Variants in ZNF57 observed in about 807,000 individuals in gnomAD.
The protein encoded by ZNF57 is zinc finger protein 57.
ZNF57 carries 11 observed loss-of-function variants against 13.4 expected under a neutral mutation model. That is an observed-to-expected ratio of 0.82 (90% CI 0.52 to 1.36). ZNF57 has a LOEUF of 1.36. Ranked by LOEUF, ZNF57 falls within the 40% of genes most tolerant of loss-of-function variation. The pLI is 0.00. For synonymous variants in ZNF57, 224 were observed against 238.5 expected (o/e 0.94, Z 0.56); for missense variants, 696 against 667.5 (o/e 1.04, Z -0.47).
At position 2,917,467 on chromosome 19, in the gene ZNF57, T is replaced by A. The variant is rs750170710; in HGVS notation, c.846T>A (p.Cys282Ter). The A allele has an allele frequency of 2.5e-6, 4 of 1,614,078 alleles. No individual in the cohort carries two copies. The East Asian group carries it at 8.9e-5, about 36-fold the overall frequency. ...TTHTGEKPYK[C>*]QHCGKAFTYP... is the part of the protein sequence containing the mutation. Reference sequence around the variant, plus strand: ...ACACTGGAGAGAAGCCCTATAAATGTCAGCACTGTGGGAAAGCCTTCACTT... The same window carrying A: ...ACACTGGAGAGAAGCCCTATAAATGACAGCACTGTGGGAAAGCCTTCACTT... Residue 282 changes from cysteine (C) to a stop codon, truncating the protein, a stop_gained, in exon 4 of 4, where the codon TGT becomes TGA. Coordinates refer to ENST00000306908, the MANE Select transcript of ZNF57 (RefSeq NM_173480.3). LOFTEE classifies it low-confidence loss of function (END_TRUNC).
In ZNF57 at chr19:2,909,524, G is replaced by A. The variant is rs1281600159; in HGVS notation, c.4-5998G>A. Among the ~76,000 whole-genome samples the A allele has an allele frequency of 1.0e-4, 5 of 49,022 alleles. 2 individuals are homozygous for A. The highest frequency in any genetic ancestry group is 2.4e-4 in the African/African-American group (5 of 20,816). 32.2% of individuals were successfully genotyped at this position (49,022 alleles called of 152,430 possible). ...CTTGACGTCGTGATCCGCACGCCTCGGCCTCCCAAAGTGCTAGGATTACAG... is the reference window on the plus strand; with the variant it reads ...CTTGACGTCGTGATCCGCACGCCTCAGCCTCCCAAAGTGCTAGGATTACAG... On this transcript the variant is annotated intron_variant, in intron 1 of 3. Coordinates refer to ENST00000306908, the MANE Select transcript of ZNF57 (RefSeq NM_173480.3).
intron 1 of ZNF57, among the ~76,000 whole-genome samples, chr19:2,910,859 G>T (rs1341099008): frequency 6.7e-6 from 1 of 148,248 alleles, no homozygotes; most frequent in East Asian, 2.0e-4. Flanking sequence ...CTCCGGAAGT[G>T]CTGGGATGAC....
At chr19:2,910,702 T>C (rs12982942) in intron 1 of ZNF57, among the ~76,000 whole-genome samples, 78,693 of 112,260 alleles carry the variant, frequency 0.7, 34,244 homozygotes, top group Non-Finnish European at 0.78. Context: ...CATCGTGATC[T>C]GCCCGCCTCG....
rs2088023030 is a variant in ZNF57, at chr19:2,900,945, C to A, written c.-101C>A. The A allele has an allele frequency of 2.0e-6, 3 of 1,475,408 alleles. No individual in the cohort carries two copies. In the South Asian group the frequency reaches 3.7e-5, roughly 18 times the overall value. 91.4% of individuals were successfully genotyped at this position (1,475,408 alleles called of 1,614,324 possible). On this transcript the variant is annotated 5_prime_UTR_variant, in exon 1 of 4. Coordinates refer to ENST00000306908, the MANE Select transcript of ZNF57 (RefSeq NM_173480.3). ...GTTTCGTCCTCCCTGCCGCGCGTGCCCTGCCTACCACGAGCGGCCCGGGAG... is the reference window on the plus strand; with the variant it reads ...GTTTCGTCCTCCCTGCCGCGCGTGCACTGCCTACCACGAGCGGCCCGGGAG...
chr19:2,908,587 T>G (rs2088098293), intron 1 of ZNF57, among the ~76,000 whole-genome samples: 1 of 150,660 alleles, frequency 6.6e-6, no homozygotes, highest in Non-Finnish European at 1.5e-5. Flanking sequence ...GCCCGGCTAA[T>G]TTTTTGCATT....
chr19:2,907,856 T>C (rs549509748), intron 1 of ZNF57, among the ~76,000 whole-genome samples: 2 of 152,296 alleles, frequency 1.3e-5, no homozygotes, highest in Admixed American at 6.5e-5. Context: ...TGCAGGCACA[T>C]GCCATCATGC....
Position 2,916,078 on chromosome 19 carries a change from A to G in ZNF57, c.131A>G (p.Asp44Gly), listed in dbSNP as rs2088190797. Residue 44 changes from aspartate to glycine, a missense_variant and splice_region_variant, in exon 3 of 4, where the codon GAT (aspartate) becomes GGT (glycine). By Grantham distance (94) the Asp-to-Gly change is moderately conservative. This residue lies in a region of ZNF57 where 43 missense variants were observed against 53.5 expected (regional missense o/e 0.80). Coordinates refer to ENST00000306908, the MANE Select transcript of ZNF57 (RefSeq NM_173480.3). The stretch of plus-strand genomic sequence containing the variant: ...AGATTTGTTTACTTTTTTGTTGCAG[A>G]TGATGGGACTCAATTTAAAGCCAAT... ...LETFRNLASV[D>G]DGTQFKANGS... The G allele has an allele frequency of 6.2e-7, 1 of 1,605,728 alleles. No homozygotes were observed. Among genetic ancestry groups the G allele is most frequent in the Non-Finnish European group, 8.5e-7 (1 of 1,177,150 alleles).
At chr19:2,910,780 G>C (rs1266760825) in intron 1 of ZNF57, among the ~76,000 whole-genome samples, 1 of 113,506 alleles carries the variant, frequency 8.8e-6, no homozygotes, top group Non-Finnish European at 1.9e-5. Flanking sequence ...ATTTTTAGTA[G>C]AGACGGGGTT....
chr19:2,901,068 A>G lies in ZNF57; in HGVS notation c.3+20A>G, dbSNP rs2088024589. 5 of 1,555,578 alleles carry G rather than the reference A, an allele frequency of 3.2e-6. No individual in the cohort carries two copies. In the East Asian group the frequency reaches 7.1e-5, roughly 22 times the overall value. On this transcript the variant is annotated intron_variant, in intron 1 of 3. Coordinates refer to ENST00000306908, the MANE Select transcript of ZNF57 (RefSeq NM_173480.3). Reference sequence around the variant, plus strand: ...GACATGGTGAGTGCGAGGCAGGAGCAGAGCCAGGGGACGGTCGGAGCGACG... The same window carrying G: ...GACATGGTGAGTGCGAGGCAGGAGCGGAGCCAGGGGACGGTCGGAGCGACG...
At position 2,916,083 on chromosome 19, in the gene ZNF57, G is replaced by T; in HGVS notation, c.136G>T (p.Gly46Trp). ...TGTTTACTTTTTTGTTGCAGATGAT[G>T]GGACTCAATTTAAAGCCAATGGGTC... ...TFRNLASVDDGTQFKANGSVS... is the reference protein window; with the variant it reads ...TFRNLASVDDWTQFKANGSVS... Residue 46 changes from glycine (G) to tryptophan (W), a missense_variant, in exon 3 of 4, where the codon GGG (glycine) becomes TGG (tryptophan). Physicochemically the swap from Gly to Trp is radical, Grantham distance 184. Transcript: ENST00000306908. The T allele has an allele frequency of 1.2e-6, 2 of 1,608,110 alleles. No homozygotes were observed. The highest frequency in any genetic ancestry group is 1.7e-4 in the Middle Eastern group (1 of 6,032).
At chr19:2,912,067 C>T (rs1007626320) in intron 1 of ZNF57, 1 of 152,176 alleles carries the variant, frequency 6.6e-6, no homozygotes, top group African/African-American at 2.4e-5. Context: ...AGTAAATAGA[C>T]CTTTAGTAAC....
At chr19:2,916,304 G>A in intron 3 of ZNF57, 55 bp downstream of exon 3, 2 of 1,435,130 alleles carry the variant, frequency 1.4e-6, no homozygotes, top group Non-Finnish European at 1.9e-6. Flanking sequence ...ATATATCTAA[G>A]TATTGCTCCA....
At chr19:2,904,311 T>C (rs1315942760) in intron 1 of ZNF57, among the ~76,000 whole-genome samples, 4 of 152,180 alleles carry the variant, frequency 2.6e-5, no homozygotes, top group Non-Finnish European at 4.4e-5. Flanking sequence ...TTGTCAGGCT[T>C]GGGTTAATTC....
Position 2,915,682 on chromosome 19 carries a change from A to G in ZNF57, c.130+34A>G. On this transcript the variant is annotated intron_variant, in intron 2 of 3. Coordinates refer to ENST00000306908, the MANE Select transcript of ZNF57 (RefSeq NM_173480.3). ...GGCATCATTCCTTCCCTTGGTTTTT[A>G]ATGAACTCATTTCTTTCTCATCAGT... 4 of 1,613,116 alleles carry G rather than the reference A, an allele frequency of 2.5e-6. No homozygotes were observed. The South Asian group carries it at 4.4e-5, about 18-fold the overall frequency.
rs201279658 is a variant in ZNF57, at chr19:2,916,914, T to C, written c.303-10T>C. 4,686 of 1,554,544 alleles carry C rather than the reference T, an allele frequency of 3.0e-3. 10 individuals are homozygous for C. Among genetic ancestry groups the C allele is most frequent in the Non-Finnish European group, 3.7e-3 (4,262 of 1,151,462 alleles). On this transcript the variant is annotated splice_polypyrimidine_tract_variant and intron_variant, in intron 3 of 3. Coordinates refer to ENST00000306908, the MANE Select transcript of ZNF57 (RefSeq NM_173480.3). ...ATACCATACATAAAAATGTCTCTCATTTTTAACAGAAATCATATGGTGGAC... is the reference window on the plus strand; with the variant it reads ...ATACCATACATAAAAATGTCTCTCACTTTTAACAGAAATCATATGGTGGAC...
intron 1 of ZNF57, among the ~76,000 whole-genome samples, chr19:2,914,786 A>G (rs955153451): frequency 7.2e-5 from 11 of 152,152 alleles, no homozygotes; most frequent in Admixed American, 6.5e-4. Flanking sequence ...TGCTACATCC[A>G]TGAATATTAT....
At chr19:2,904,541 G>A (rs1368834017) in intron 1 of ZNF57, among the ~76,000 whole-genome samples, 5 of 151,874 alleles carry the variant, frequency 3.3e-5, no homozygotes, top group Admixed American at 6.6e-5. Flanking sequence ...GTTTTTGTTT[G>A]TTTGTTTTTG....
At chr19:2,907,752 TGC>T (rs1170297565) in intron 1 of ZNF57, among the ~76,000 whole-genome samples, 9 of 152,230 alleles carry the variant, frequency 5.9e-5, no homozygotes, top group African/African-American at 2.2e-4. Flanking sequence ...CTCACTCTGT[TGC>T]CCAGACTGGA....
chr19:2,914,126 G>A (rs553240197), intron 1 of ZNF57, among the ~76,000 whole-genome samples: 14 of 152,102 alleles, frequency 9.2e-5, no homozygotes, highest in African/African-American at 2.9e-4. Flanking sequence ...TTATTTCCTC[G>A]TATTTCACCT....
Sources: allele counts gnomAD v4.1 joint callset (sites outside exome capture counted in the v4.1 genomes callset), GRCh38; gene constraint gnomAD v4.1.1; regional missense constraint gnomAD v4.1.1; transcripts MANE v1.5; gene names NCBI Gene and HGNC (gene_info 2026-07-23, HGNC 2026-07-21).